The following TRMT1 variants were observed in gnomAD, a reference collection of about 807,000 sequenced individuals.
TRMT1 encodes the protein tRNA methyltransferase 1, also known as tRNA (guanine(26)-N(2))-dimethyltransferase.
A neutral mutation model predicts 75.4 loss-of-function variants in TRMT1; 63 were observed. The observed-to-expected ratio is 0.84, with a 90% confidence interval of 0.68 to 1.03. The LOEUF is 1.03. TRMT1 is among the 50% of genes least tolerant of loss of function. TRMT1 has a pLI of 0.00. For missense variants in TRMT1, 870 were observed against 905.3 expected (o/e 0.96, Z 0.50); for synonymous variants, 382 against 358.1 (o/e 1.07, Z -0.75).
At chr19:13,114,993 C>G (rs552695841) in intron 5 of TRMT1, among the ~76,000 whole-genome samples, 9 of 152,314 alleles carry the variant, frequency 5.9e-5, no homozygotes, top group Admixed American at 5.2e-4. Flanking sequence ...ATAGCAGACA[C>G]TGGATATACT....
Position 13,107,894 on chromosome 19 carries a change from G to A in TRMT1, c.1398-35C>T, listed in dbSNP as rs1037886769. ...AGCAGGGATTATGAGGGAGATGCCG[G>A]ACTCCTTGACCCCAAAGCCCAAGCT... On this transcript the variant is annotated intron_variant, in intron 12 of 16. Coordinates refer to ENST00000357720, the MANE Select transcript of TRMT1 (RefSeq NM_001136035.4). 8.4e-6 allele frequency: 13 copies of A among 1,539,414 alleles called. No individual in the cohort carries two copies. In the African/African-American group the frequency reaches 1.5e-4, roughly 18 times the overall value.
intron 7 of TRMT1, 39 bp from the exon 8 acceptor site, chr19:13,110,345 T>A: frequency 1.9e-6 from 3 of 1,549,732 alleles, no homozygotes; most frequent in Non-Finnish European, 2.6e-6. Context: ...CCCTCCACTA[T>A]CCACCCACCC....
intron 14 of TRMT1, 21 bp downstream of exon 14, chr19:13,107,553 C>G: frequency 6.3e-7 from 1 of 1,589,022 alleles, no homozygotes; most frequent in Non-Finnish European, 8.6e-7. Flanking sequence ...CCTGGCCGCT[C>G]CTGCATGTGC....
intron 12 of TRMT1, 21 bp from the exon 13 acceptor site, chr19:13,107,880 TGAGG>T: frequency 6.5e-7 from 1 of 1,549,244 alleles, no homozygotes; most frequent in Non-Finnish European, 8.7e-7. Context: ...GCAGGGATTA[TGAGG>T]GAGATGCCGG....
intron 5 of TRMT1, among the ~76,000 whole-genome samples, chr19:13,114,376 G>A (rs954392994): frequency 3.3e-5 from 5 of 152,094 alleles, no homozygotes; most frequent in Admixed American, 6.6e-5. Context: ...ATAAAAATTA[G>A]CCTGGCATAG....
chr19:13,110,901 G>C lies in TRMT1; in HGVS notation c.871-595C>G, dbSNP rs1452494109. On this transcript the variant is annotated intron_variant, in intron 7 of 16. Coordinates refer to ENST00000357720, the MANE Select transcript of TRMT1 (RefSeq NM_001136035.4). Reference sequence around the variant, plus strand: ...GGAGGCGAAGGTTGCAGTTAGCTGAGATCTCACCACTGCACTCCAGCCTGG... The same window carrying C: ...GGAGGCGAAGGTTGCAGTTAGCTGACATCTCACCACTGCACTCCAGCCTGG... Among the ~76,000 whole-genome samples, 5 of 152,140 alleles carry C rather than the reference G, an allele frequency of 3.3e-5. No individual in the cohort carries two copies. The East Asian group carries it at 7.7e-4, about 23-fold the overall frequency.
intron 7 of TRMT1, among the ~76,000 whole-genome samples, chr19:13,111,477 G>A (rs1407398677): frequency 4.2e-5 from 6 of 144,560 alleles, no homozygotes; most frequent in East Asian, 2.1e-4. Context: ...TCCACCTCCC[G>A]GGTTCAAGTG....
Position 13,107,568 on chromosome 19 carries a change from C to T in TRMT1, c.1583+6G>A, listed in dbSNP as rs1253729289. The stretch of plus-strand genomic sequence containing the variant: ...CCTGGCCGCTCCTGCATGTGCTTGC[C>T]CCTACCTGGGCTCCACACTGAGAAT... On this transcript the variant is annotated splice_donor_region_variant and intron_variant, in intron 14 of 16. Coordinates refer to ENST00000357720, the MANE Select transcript of TRMT1 (RefSeq NM_001136035.4). 2 of 1,598,572 alleles carry T rather than the reference C, an allele frequency of 1.3e-6. 1 individual carries two copies. The highest frequency in any genetic ancestry group is 1.7e-6 in the Non-Finnish European group (2 of 1,171,130).
At position 13,115,628 on chromosome 19, in the gene TRMT1, C is replaced by T; in HGVS notation, c.451G>A (p.Glu151Lys). Reference protein sequence around the residue: ...PRTAAVGEICEEGLHVLEGLA... With the variant: ...PRTAAVGEICKEGLHVLEGLA... Reference sequence around the variant, plus strand: ...CAGCTCCTATGCTCAGGCCCCACCTCACAGATCTCCCCCACGGCCGCTGTG... The same window carrying T: ...CAGCTCCTATGCTCAGGCCCCACCTTACAGATCTCCCCCACGGCCGCTGTG... The change falls in exon 4 of 17, where the codon GAG becomes AAG. Residue 151 changes from glutamate (E) to lysine (K), a missense_variant and splice_region_variant. Coordinates refer to ENST00000357720, the MANE Select transcript of TRMT1 (RefSeq NM_001136035.4). 1 of 1,613,988 alleles carries T rather than the reference C, an allele frequency of 6.2e-7. No homozygotes were observed.
chr19:13,116,499 T>G, intron 1 of TRMT1, 68 bp from the exon 2 acceptor site: 20 of 1,469,738 alleles, frequency 1.4e-5, no homozygotes, highest in Non-Finnish European at 1.8e-5. Flanking sequence ...GGGGATGTCC[T>G]ACATATCTAT....
chr19:13,115,644 G>C lies in TRMT1; in HGVS notation c.435C>G (p.Ala145=). Residue 145 remains alanine (A), a synonymous_variant, in exon 4 of 17, where the codon GCC becomes GCG. Transcript: ENST00000357720. ...LASGDQPRTA[A]VGEICEEGLH... ...GCCCCACCTCACAGATCTCCCCCAC[G>C]GCCGCTGTGCGAGGTTGGTCTCCTG... 2 of 1,613,816 alleles carry C rather than the reference G, an allele frequency of 1.2e-6. No homozygotes were observed. The highest frequency in any genetic ancestry group is 1.7e-6 in the Non-Finnish European group (2 of 1,179,980).
chr19:13,116,234 T>C lies in TRMT1; in HGVS notation c.166A>G (p.Thr56Ala), dbSNP rs1020257638. 6 of 1,614,188 alleles carry C rather than the reference T, an allele frequency of 3.7e-6. No individual in the cohort carries two copies. Among genetic ancestry groups the C allele is most frequent in the Non-Finnish European group, 5.1e-6 (6 of 1,180,040 alleles). ...EERPREVQET[T>A]VTEGAAKIAF... ...ATTTTGGCAGCCCCCTCGGTGACTGTCGTCTCCTGGACTTCACGTGGACGT... is the reference window on the plus strand; with the variant it reads ...ATTTTGGCAGCCCCCTCGGTGACTGCCGTCTCCTGGACTTCACGTGGACGT... The change falls in exon 2 of 17, where the codon ACA becomes GCA. Residue 56 changes from threonine to alanine, a missense_variant. Physicochemically the swap from Thr to Ala is moderately conservative, Grantham distance 58 (BLOSUM62 0). Transcript: ENST00000357720.
intron 14 of TRMT1, 61 bp downstream of exon 14, chr19:13,107,513 C>T: frequency 6.5e-7 from 1 of 1,534,356 alleles, no homozygotes; most frequent in South Asian, 1.2e-5. Context: ...GTTGTCTGCA[C>T]ACACATGTGC....
rs1024441110 is a variant in TRMT1 at position 13,115,407 on chromosome 19, G to A, written c.513C>T (p.Ala171=). The A allele has an allele frequency of 6.2e-7, 1 of 1,613,982 alleles. No homozygotes were observed. The highest frequency in any genetic ancestry group is 1.1e-5 in the South Asian group (1 of 91,080). The stretch of plus-strand genomic sequence containing the variant: ...CAGATCTGAGCCCAGGCACCTCTAG[G>A]GCAAATCGAATGGAACGTAGGCCTG... The part of the protein sequence containing the change: ...AASGLRSIRF[A]LEVPGLRSVV... The change falls in exon 5 of 17, where the codon GCC becomes GCT. Residue 171 remains alanine (A), a synonymous_variant. Coordinates refer to ENST00000357720, the MANE Select transcript of TRMT1 (RefSeq NM_001136035.4).
chr19:13,115,946 G>C lies in TRMT1; in HGVS notation c.310+51C>G, dbSNP rs763032910. The C allele has an allele frequency of 5.0e-6, 8 of 1,613,490 alleles. No homozygotes were observed. The South Asian group carries it at 7.7e-5, about 16-fold the overall frequency. On this transcript the variant is annotated intron_variant, in intron 3 of 16. Transcript: ENST00000357720. ...TGGGCGGCAGAAGAGCCCAGGCAGG[G>C]AGATAAACTTGTGTGACCCCCGCCC... is the stretch of plus-strand genomic sequence containing the variant.
intron 1 of TRMT1, 66 bp from the exon 2 acceptor site, chr19:13,116,497 C>G: frequency 6.8e-7 from 1 of 1,480,098 alleles, no homozygotes; most frequent in Non-Finnish European, 9.0e-7. Flanking sequence ...CCGGGGATGT[C>G]CTACATATCT....
chr19:13,109,273 C>G (rs147950748), intron 12 of TRMT1, 108 bp downstream of exon 12: 1 of 1,292,606 alleles, frequency 7.7e-7, no homozygotes, highest in East Asian at 2.4e-5. Context: ...AGACAGTGCA[C>G]CGGGTTCTCC....
rs2018830741 is a variant in TRMT1 at position 13,105,616 on chromosome 19, C to T, written c.1584-10G>A. 1.2e-6 allele frequency: 2 copies of T among 1,610,318 alleles called. No individual in the cohort carries two copies. Among genetic ancestry groups the T allele is most frequent in the East Asian group, 4.5e-5 (2 of 44,874 alleles). ...GAAGTTGGCCTGCAGCCTAGGGAAG[C>T]AGGGGTGGGGCGTTGGGGCTGGGGG... On this transcript the variant is annotated splice_polypyrimidine_tract_variant and intron_variant, in intron 14 of 16. Transcript: ENST00000357720.
intron 13 of TRMT1, 31 bp downstream of exon 13, chr19:13,107,708 ACCACCTGCCCTC>A (rs2018942035): frequency 6.4e-7 from 1 of 1,563,796 alleles, no homozygotes; most frequent in Non-Finnish European, 8.7e-7. Context: ...CCAGGTGACC[ACCACCTGCCCTC>A]CCACCTGCAT....
Sources: allele counts gnomAD v4.1 joint callset (sites outside exome capture counted in the v4.1 genomes callset), GRCh38; gene constraint gnomAD v4.1.1; transcripts MANE v1.5; gene names NCBI Gene and HGNC (gene_info 2026-07-23, HGNC 2026-07-21).